SUFU: variants seen among roughly 807,000 people sequenced by gnomAD.
SUFU encodes suppressor of fused homolog.
SUFU carries 7 observed loss-of-function variants against 58.9 expected under a neutral mutation model. The ratio of observed to expected loss-of-function variants is 0.12; its 90% CI spans 0.07 to 0.22. The LOEUF (loss-of-function observed/expected upper bound fraction) is 0.22, where lower values mean the gene tolerates loss of function less well. SUFU is among the 10% of genes least tolerant of loss of function. SUFU has a pLI of 1.00. For synonymous variants in SUFU, 232 were observed against 254.8 expected (o/e 0.91, Z 0.85); for missense variants, 451 against 641.3 (o/e 0.70, Z 3.20).
chr10:102,510,271 G>A (rs1490111435), intron 2 of SUFU, among the ~76,000 whole-genome samples: 3 of 151,992 alleles, frequency 2.0e-5, no homozygotes, highest in East Asian at 3.9e-4. Context: ...GTGCAGTGGG[G>A]TGATCTTGGC....
chr10:102,630,218 AAC>A lies in SUFU; in HGVS notation c.*65_*66del. 1 of 1,322,404 alleles carries A rather than the reference AAC, an allele frequency of 7.6e-7. No individual in the cohort carries two copies. Among genetic ancestry groups the A allele is most frequent in the Non-Finnish European group, 1.1e-6 (1 of 928,020 alleles). The allele number at this position is 1,322,404 out of a possible 1,614,324, so 81.9% of individuals were successfully genotyped here. ...GCTGCTCCCCAGTGACTTCCAGTGT[AAC>A]AGTTGTGTCAACGAGATCTCCACAA... On this transcript the variant is annotated 3_prime_UTR_variant, in exon 12 of 12. Transcript: ENST00000369902.
At chr10:102,554,125 A>G (rs2062949094) in intron 3 of SUFU, among the ~76,000 whole-genome samples, 1 of 152,060 alleles carries the variant, frequency 6.6e-6, no homozygotes. Flanking sequence ...AAAACAGGTC[A>G]GGCGCAGTGG....
In SUFU at chr10:102,617,160, G is replaced by A. The variant is rs1225121672; in HGVS notation, c.1158-130G>A. ...CAGTCCCCTGTTGATGGGCAGGTGG[G>A]CAGCCAGGAGGGCATGTTACCTGGC... On this transcript the variant is annotated intron_variant, in intron 9 of 11. Transcript: ENST00000369902. This position sits in a 1 kb window ranked among gnomAD's most constrained non-coding sequence, Gnocchi z 4.4. The A allele has an allele frequency of 5.2e-6, 6 of 1,160,634 alleles. No individual in the cohort carries two copies. The highest frequency in any genetic ancestry group is 7.6e-6 in the Non-Finnish European group (6 of 789,608). The allele number at this position is 1,160,634 out of a possible 1,614,324, so 71.9% of individuals were successfully genotyped here.
chr10:102,535,186 GGAAA>G (rs1355391850), intron 2 of SUFU, among the ~76,000 whole-genome samples: 7 of 152,038 alleles, frequency 4.6e-5, no homozygotes, highest in South Asian at 2.1e-4. Context: ...AGAGGAAGGG[GGAAA>G]GAAAGAGACA....
At chr10:102,556,508 CGAGGCA>C (rs1443279756) in intron 3 of SUFU, among the ~76,000 whole-genome samples, 3 of 152,042 alleles carry the variant, frequency 2.0e-5, no homozygotes, top group South Asian at 4.2e-4. Context: ...TTTGGGAGGC[CGAGGCA>C]TGTGGATCAC....
At chr10:102,578,257 A>AAAAAC (rs2063235075) in intron 3 of SUFU, among the ~76,000 whole-genome samples, 5 of 150,682 alleles carry the variant, frequency 3.3e-5, no homozygotes, top group Non-Finnish European at 5.9e-5. Flanking sequence ...GTCTCAAAAA[A>AAAAAC]AAAAACAAAA....
intron 3 of SUFU, among the ~76,000 whole-genome samples, chr10:102,570,863 T>A (rs1016657496): frequency 2.0e-5 from 3 of 152,232 alleles, no homozygotes; most frequent in Non-Finnish European, 4.4e-5. Context: ...TTCATTTCTT[T>A]TTGTGTAAAT....
chr10:102,507,722 A>G (rs1330753233), intron 1 of SUFU, among the ~76,000 whole-genome samples: 1 of 152,262 alleles, frequency 6.6e-6, no homozygotes, highest in East Asian at 1.9e-4. Flanking sequence ...TGCTGGCACC[A>G]TTGACTGGGA....
chr10:102,541,875 ATTTTTTTTT>A (rs58231037), intron 2 of SUFU, among the ~76,000 whole-genome samples: 1 of 86,536 alleles, frequency 1.2e-5, no homozygotes, highest in South Asian at 4.2e-4. Context: ...TGCCCGGCTA[ATTTTTTTTT>A]TTTTTTTTTT....
chr10:102,531,254 C>G (rs1423313114), intron 2 of SUFU, among the ~76,000 whole-genome samples: 1 of 152,028 alleles, frequency 6.6e-6, no homozygotes, highest in African/African-American at 2.4e-5. Context: ...GACTTTATCT[C>G]TAAAAGAATA....
intron 3 of SUFU, among the ~76,000 whole-genome samples, chr10:102,552,363 G>A (rs528248543): frequency 6.6e-6 from 1 of 152,122 alleles, no homozygotes; most frequent in East Asian, 1.9e-4. Flanking sequence ...AGCCCAAGAG[G>A]TTGAGGCTGC....
chr10:102,622,165 C>T (rs766590804), intron 10 of SUFU, among the ~76,000 whole-genome samples: 2 of 152,236 alleles, frequency 1.3e-5, no homozygotes, highest in Non-Finnish European at 2.9e-5. Context: ...CATTGCCCCC[C>T]TCGCAGCTCA....
At chr10:102,526,511 C>A (rs1333186188) in intron 2 of SUFU, among the ~76,000 whole-genome samples, 1 of 152,064 alleles carries the variant, frequency 6.6e-6, no homozygotes, top group East Asian at 1.9e-4. Flanking sequence ...CAAGATCGTG[C>A]CACTGCACTC....
rs185382754 is a variant in SUFU at position 102,519,906 on chromosome 10, G to T, written c.317+10603G>T. On this transcript the variant is annotated intron_variant, in intron 2 of 11. Transcript: ENST00000369902. ...CCTGCCTCAGCCTCCCGAGTAGCTG[G>T]GATTACAGATGCCCACCACCACGCC... Among the ~76,000 whole-genome samples, 692 of 151,984 alleles carry T rather than the reference G, an allele frequency of 4.6e-3. 7 individuals carry two copies. Among genetic ancestry groups the T allele is most frequent in the African/African-American group, 0.016 (660 of 41,448 alleles).
chr10:102,528,788 C>G (rs1242004067), intron 2 of SUFU, among the ~76,000 whole-genome samples: 1 of 152,076 alleles, frequency 6.6e-6, no homozygotes, highest in African/African-American at 2.4e-5. Context: ...CAGGAACCAT[C>G]TACTTGAGTG....
At chr10:102,583,398 T>A (rs1348844327) in intron 3 of SUFU, among the ~76,000 whole-genome samples, 1 of 152,290 alleles carries the variant, frequency 6.6e-6, no homozygotes, top group East Asian at 1.9e-4. Flanking sequence ...GGCCAAAGCC[T>A]GATCACACAT....
At chr10:102,590,591 TATC>T (rs1279390978) in intron 3 of SUFU, among the ~76,000 whole-genome samples, 1 of 152,196 alleles carries the variant, frequency 6.6e-6, no homozygotes, top group African/African-American at 2.4e-5. Flanking sequence ...TTGCTTTTCA[TATC>T]ATGGTAATAC....
At chr10:102,608,734 C>G (rs2063589085) in intron 8 of SUFU, among the ~76,000 whole-genome samples, 1 of 152,186 alleles carries the variant, frequency 6.6e-6, no homozygotes, top group South Asian at 2.1e-4. Flanking sequence ...CTTGGGTGTT[C>G]AGCCAGAAGA....
chr10:102,598,164 T>C (rs891294184), intron 7 of SUFU, among the ~76,000 whole-genome samples: 1 of 152,204 alleles, frequency 6.6e-6, no homozygotes, highest in Non-Finnish European at 1.5e-5. Context: ...CTTTCTTTTT[T>C]TTTTTCTTTG....
Sources: allele counts gnomAD v4.1 joint callset (sites outside exome capture counted in the v4.1 genomes callset), GRCh38; gene constraint gnomAD v4.1.1; non-coding constraint Gnocchi (gnomAD v3.1); transcripts MANE v1.5; gene names NCBI Gene and HGNC (gene_info 2026-07-23, HGNC 2026-07-21).